The following ABR variants were observed in gnomAD, a reference collection of about 807,000 sequenced individuals.
ABR encodes the protein active breakpoint cluster region-related protein.
In ABR, 35 loss-of-function variants were observed where a neutral mutation model predicts 107.2. The ratio of observed to expected loss-of-function variants is 0.33; its 90% confidence interval spans 0.25 to 0.43. The LOEUF is 0.43. Among genes scored for constraint, ABR ranks in the 20% least tolerant of loss-of-function variants. The pLI is 1.00. For synonymous variants in ABR, 498 were observed against 462.0 expected (o/e 1.08, Z -1.00); for missense variants, 815 against 1,115.2 (o/e 0.73, Z 3.83).
At chr17:1,195,420 A>G (rs2042539243) in intron 1 of ABR, among the ~76,000 whole-genome samples, 2 of 151,606 alleles carry the variant, frequency 1.3e-5, no homozygotes, top group African/African-American at 2.4e-5. Context: ...CTACTGCTAC[A>G]GTGATTAACT....
intron 2 of ABR, among the ~76,000 whole-genome samples, chr17:1,109,593 C>G (rs2038530717): frequency 6.6e-6 from 1 of 152,096 alleles, no homozygotes; most frequent in Non-Finnish European, 1.5e-5. Context: ...ATCTTCATTC[C>G]CCGCGCGCGG....
At chr17:1,045,335 TAGCAGGACAATCTTCCATCTTCTTAC>T (rs879615025) in intron 16 of ABR, among the ~76,000 whole-genome samples, 1 of 149,490 alleles carries the variant, frequency 6.7e-6, no homozygotes, top group Non-Finnish European at 1.5e-5. Flanking sequence ...CATCTTCTTA[TAGCAGGACAATCTTCCATCTTCTTAC>T]AGCAGGACAA....
intron 1 of ABR, among the ~76,000 whole-genome samples, chr17:1,216,803 C>T (rs2043018691): frequency 6.6e-6 from 1 of 152,198 alleles, no homozygotes; most frequent in African/African-American, 2.4e-5. Flanking sequence ...ACAGCTCCTT[C>T]AGCCCATTGA....
chr17:1,006,111 C>T lies in ABR; in HGVS notation c.2549G>A (p.Arg850Gln), dbSNP rs965620977. Residue 850 changes from arginine to glutamine, a missense_variant, in exon 23 of 23, where the codon CGG (arginine) becomes CAG (glutamine). Physicochemically the swap from Arg to Gln is conservative, Grantham distance 43 (BLOSUM62 1). Coordinates refer to ENST00000302538, the MANE Select transcript of ABR (RefSeq NM_021962.5). ...HPPISFAELK[R>Q]NTLYFSTDV ...GTCGGTGGAGAAGTACAGTGTGTTC[C>T]GCTTGAGTTCTGCGAAGGAAATGGG... 3.2e-6 allele frequency: 5 copies of T among 1,582,774 alleles called. No individual in the cohort carries two copies. The highest frequency in any genetic ancestry group is 1.7e-4 in the Middle Eastern group (1 of 6,020).
chr17:1,043,048 G>A lies in ABR; in HGVS notation c.1791+7002C>T, dbSNP rs538688986. ...TACTGGAGGCTAAGGGTGCAGGAGT[G>A]GGGAGTTATGATTTAATGGGGATGG... On this transcript the variant is annotated intron_variant, in intron 16 of 22. Transcript: ENST00000302538. Among the ~76,000 whole-genome samples the A allele has an allele frequency of 9.8e-5, 15 of 152,344 alleles. No individual in the cohort carries two copies. In the South Asian group the frequency reaches 2.7e-3, roughly 27 times the overall value.
At chr17:1,036,959 C>T (rs1388249832) in intron 16 of ABR, among the ~76,000 whole-genome samples, 1 of 152,112 alleles carries the variant, frequency 6.6e-6, no homozygotes, top group African/African-American at 2.4e-5. Context: ...CAGATTAGAC[C>T]CTAGGAGCTA....
chr17:1,096,636 C>G, intron 3 of ABR, among the ~76,000 whole-genome samples: 1 of 152,138 alleles, frequency 6.6e-6, no homozygotes. Context: ...GGTCTCTGCT[C>G]AAGAAAGAGC....
chr17:1,189,444 G>A (rs1293492392), upstream of ABR, among the ~76,000 whole-genome samples: 1 of 150,458 alleles, frequency 6.6e-6, no homozygotes, highest in African/African-American at 2.5e-5. Context: ...CCGCCTCCGA[G>A]TTCAAGTGAT....
intron 1 of ABR, among the ~76,000 whole-genome samples, chr17:1,225,083 A>T (rs1304789983): frequency 6.7e-6 from 1 of 148,848 alleles, no homozygotes; most frequent in African/African-American, 2.5e-5. Flanking sequence ...CAGGAGGCAG[A>T]GCTTGCAGGG....
chr17:1,090,273 C>T (rs903670325), intron 4 of ABR, among the ~76,000 whole-genome samples: 5 of 152,154 alleles, frequency 3.3e-5, no homozygotes, highest in African/African-American at 4.8e-5. Flanking sequence ...GGGCTGGACA[C>T]GGGTCAGTGT....
At chr17:1,100,161 C>A (rs1342831048) in intron 3 of ABR, among the ~76,000 whole-genome samples, 1 of 151,794 alleles carries the variant, frequency 6.6e-6, no homozygotes, top group Non-Finnish European at 1.5e-5. Context: ...AACACAGCCT[C>A]CCACCTCATA....
At position 1,119,879 on chromosome 17, in the gene ABR, A is replaced by G. The variant is rs554357787; in HGVS notation, c.246+5304T>C. On this transcript the variant is annotated intron_variant, in intron 2 of 22. Transcript: ENST00000302538. ...ACTGGCTGCATGGTCTTGGACAAAC[A>G]ATAATATTAATAGCTATTATTAAGA... Among the ~76,000 whole-genome samples, 3 of 152,226 alleles carry G rather than the reference A, an allele frequency of 2.0e-5. No individual in the cohort carries two copies. In the South Asian group the frequency reaches 6.2e-4, roughly 32 times the overall value.
intron 2 of ABR, among the ~76,000 whole-genome samples, chr17:1,109,599 C>T (rs949993440): frequency 2.0e-5 from 3 of 152,176 alleles, no homozygotes; most frequent in Admixed American, 1.3e-4. Context: ...ATTCCCCGCG[C>T]GCGGCCGAGC....
chr17:1,181,561 G>A (rs1263535496), upstream of ABR, among the ~76,000 whole-genome samples: 1 of 152,182 alleles, frequency 6.6e-6, no homozygotes, highest in Non-Finnish European at 1.5e-5. Flanking sequence ...GGATTGGGAG[G>A]GCCAAGCAGG....
chr17:1,134,688 G>T (rs1439250493), intron 1 of ABR, among the ~76,000 whole-genome samples: 1 of 152,208 alleles, frequency 6.6e-6, no homozygotes, highest in Non-Finnish European at 1.5e-5. Flanking sequence ...CGGACCGGAG[G>T]GTGTGGGCAA....
chr17:1,035,913 G>C (rs1156312327), intron 16 of ABR, among the ~76,000 whole-genome samples: 1 of 151,358 alleles, frequency 6.6e-6, no homozygotes, highest in Non-Finnish European at 1.5e-5. Flanking sequence ...TCGGGTTAAG[G>C]TGTTCAGTGG....
chr17:1,020,030 G>A (rs749267017), intron 16 of ABR, among the ~76,000 whole-genome samples: 2 of 152,240 alleles, frequency 1.3e-5, no homozygotes, highest in Non-Finnish European at 2.9e-5. Flanking sequence ...CGAACGACTG[G>A]GCCAGGGGTC....
intron 21 of ABR, among the ~76,000 whole-genome samples, chr17:1,009,235 T>TCCCCACTGCTGTCCACC (rs58883619): frequency 4.2e-5 from 2 of 47,452 alleles, no homozygotes; most frequent in Non-Finnish European, 1.0e-4. Context: ...TACTGTCCAT[T>TCCCCACTGCTGTCCACC]CCCCACTGCT....
chr17:1,111,999 G>T (rs1172303573), intron 2 of ABR, among the ~76,000 whole-genome samples: 1 of 152,168 alleles, frequency 6.6e-6, no homozygotes, highest in East Asian at 1.9e-4. Flanking sequence ...CATCTTACGA[G>T]TCTTCCTTCC....
Sources: gnomAD v4.1 joint callset for allele counts (sites outside exome capture counted in the v4.1 genomes callset) on GRCh38, gnomAD v4.1.1 for gene constraint, MANE v1.5 for transcripts, NCBI Gene and HGNC (gene_info 2026-07-23, HGNC 2026-07-21) for gene names.